The following RBM17 variants were observed in gnomAD, a reference collection of about 807,000 sequenced individuals.
RBM17 encodes the protein splicing factor 45.
A neutral mutation model predicts 53.2 loss-of-function variants in RBM17; 7 were observed. The ratio of observed to expected loss-of-function variants is 0.13; its 90% CI spans 0.07 to 0.25. The LOEUF is 0.25. RBM17 is among the 10% of genes least tolerant of loss of function. RBM17 has a pLI of 1.00. For missense variants in RBM17, 257 were observed against 496.7 expected, an observed-to-expected ratio of 0.52 and a Z score of 4.59; for synonymous variants, 167 against 178.1, an observed-to-expected ratio of 0.94 and a Z score of 0.50.
intron 1 of RBM17, among the ~76,000 whole-genome samples, chr10:6,093,419 A>G (rs543547558): frequency 9.9e-5 from 15 of 152,200 alleles, no homozygotes; most frequent in South Asian, 6.2e-4. Context: ...GGTTTTCACC[A>G]CGTAGGCCAG....
At chr10:6,102,374 G>A (rs1341851871) in intron 3 of RBM17, among the ~76,000 whole-genome samples, 1 of 152,188 alleles carries the variant, frequency 6.6e-6, no homozygotes, top group African/African-American at 2.4e-5. Context: ...TCCTGCTTAT[G>A]TTCTGGGCCA....
intron 1 of RBM17, among the ~76,000 whole-genome samples, chr10:6,094,268 G>A (rs1005293685): frequency 1.3e-5 from 2 of 152,178 alleles, no homozygotes; most frequent in Non-Finnish European, 1.5e-5. Flanking sequence ...GCGAGACACC[G>A]CACCCGGCCT....
At chr10:6,102,971 T>C (rs1437734431) in intron 3 of RBM17, among the ~76,000 whole-genome samples, 2 of 152,130 alleles carry the variant, frequency 1.3e-5, no homozygotes, top group Non-Finnish European at 2.9e-5. Flanking sequence ...GACTAATTTT[T>C]TGTAGAGATG....
chr10:6,114,708 G>T (rs1840890172), intron 10 of RBM17: 1 of 157,826 alleles, frequency 6.3e-6, no homozygotes, highest in African/African-American at 2.4e-5. Flanking sequence ...GGTGGGATTT[G>T]CAGGGAAGGG....
At chr10:6,111,908 G>A (rs903448942) in intron 7 of RBM17, among the ~76,000 whole-genome samples, 2 of 152,158 alleles carry the variant, frequency 1.3e-5, no homozygotes, top group Non-Finnish European at 2.9e-5. Context: ...CAGGTCCGGA[G>A]CACACAAAAG....
At chr10:6,104,787 A>ATTTGTT in intron 3 of RBM17, 144 bp from the exon 4 acceptor site, 1 of 641,090 alleles carries the variant, frequency 1.6e-6, no homozygotes, top group South Asian at 2.8e-5. Flanking sequence ...CTTGTCTGGT[A>ATTTGTT]TTTGTTTTCT....
intron 2 of RBM17, among the ~76,000 whole-genome samples, chr10:6,101,066 A>G (rs1840662880): frequency 2.0e-5 from 3 of 152,214 alleles, no homozygotes; most frequent in African/African-American, 7.2e-5. Flanking sequence ...TTTCACAGAA[A>G]TGGAGAAAAT....
In RBM17 at chr10:6,112,425, C is replaced by G. The variant is rs112499663; in HGVS notation, c.856+64C>G. 2.5e-6 allele frequency: 4 copies of G among 1,579,748 alleles called. No homozygotes were observed. The highest frequency in any genetic ancestry group is 1.3e-5 in the African/African-American group (1 of 74,192). ...CTGGCCCCATCCATATCAGACATGG[C>G]CAGTCTTGATCCTCATGTGTCAGCA... On this transcript the variant is annotated intron_variant, in intron 8 of 11. Transcript: ENST00000379888. This position sits in a 1 kb window ranked among gnomAD's most constrained non-coding sequence, Gnocchi z 4.4.
intron 2 of RBM17, among the ~76,000 whole-genome samples, chr10:6,099,907 T>C (rs1840646147): frequency 6.6e-6 from 1 of 151,918 alleles, no homozygotes. Flanking sequence ...AAAATACAAA[T>C]ATTAGCCCGG....
chr10:6,093,383 C>G (rs895950406), intron 1 of RBM17, among the ~76,000 whole-genome samples: 1 of 152,032 alleles, frequency 6.6e-6, no homozygotes, highest in African/African-American at 2.4e-5. Context: ...CCACACCTGG[C>G]TAGTTTTATA....
Position 6,116,035 on chromosome 10 carries a change from A to G in RBM17, c.*479A>G, listed in dbSNP as rs538427351. 3.3e-5 allele frequency: 5 copies of G among 152,626 alleles called. No homozygotes were observed. The highest frequency in any genetic ancestry group is 5.9e-5 in the Non-Finnish European group (4 of 68,162). The allele number at this position is 152,626 out of a possible 1,614,324, so 9.5% of individuals were successfully genotyped here. On this transcript the variant is annotated 3_prime_UTR_variant, in exon 12 of 12. Transcript: ENST00000379888. ...TCTTGGCAGTGTGCCAAAGGTGAAA[A>G]TGATGCTTTCTCTAACAGAGAAATT... is the stretch of plus-strand genomic sequence containing the variant.
At chr10:6,100,057 A>AG (rs1840648865) in intron 2 of RBM17, among the ~76,000 whole-genome samples, 1 of 152,190 alleles carries the variant, frequency 6.6e-6, no homozygotes, top group Non-Finnish European at 1.5e-5. Context: ...TCAAAAAAAA[A>AG]GAAAGAAAGA....
At chr10:6,114,458 A>C (rs1440609846) in intron 10 of RBM17, 2 of 303,504 alleles carry the variant, frequency 6.6e-6, no homozygotes, top group South Asian at 6.3e-5. Flanking sequence ...TCATTTGGTG[A>C]GTATTTAGTG....
At position 6,091,459 on chromosome 10, in the gene RBM17, T is replaced by C. The variant is rs574597423; in HGVS notation, c.-19+2266T>C. The stretch of plus-strand genomic sequence containing the variant: ...TTTCTTGCTAACAAGCCTGCCTCTT[T>C]AGGTGCTCAGAACTCAGACCTTGAC... On this transcript the variant is annotated intron_variant, in intron 1 of 11. Transcript: ENST00000379888. 2.6e-4 allele frequency among the ~76,000 whole-genome samples: 40 copies of C among 152,336 alleles called. 1 individual carries two copies. The highest frequency in any genetic ancestry group is 6.8e-3 in the Middle Eastern group (2 of 294).
chr10:6,091,985 A>G (rs1840492950), intron 1 of RBM17, among the ~76,000 whole-genome samples: 1 of 152,202 alleles, frequency 6.6e-6, no homozygotes. Flanking sequence ...TGTTTTAAAA[A>G]AATACTTTCC....
In RBM17 at chr10:6,101,300, C is replaced by T. The variant is rs1418823156; in HGVS notation, c.153C>T (p.Leu51=). The T allele has an allele frequency of 1.1e-5, 18 of 1,612,880 alleles. No homozygotes were observed. Among genetic ancestry groups the T allele is most frequent in the East Asian group, 4.5e-5 (2 of 44,778 alleles). ...AAAGGACGAAACAAAGTACAGTCCT[C>T]GCCCCAGTCATTGACCTGAAGCGAG... The part of the protein sequence containing the change: ...KSQRTKQSTV[L]APVIDLKRGG... The change falls in exon 3 of 12, where the codon CTC becomes CTT. Residue 51 remains leucine, a synonymous_variant. Transcript: ENST00000379888.
At chr10:6,107,374 C>T (rs1465644788) in intron 5 of RBM17, among the ~76,000 whole-genome samples, 2 of 150,956 alleles carry the variant, frequency 1.3e-5, no homozygotes, top group African/African-American at 2.4e-5. Flanking sequence ...GACAGGGTTT[C>T]ACCATGTTTG....
chr10:6,111,878 T>C (rs2132953768), intron 7 of RBM17, among the ~76,000 whole-genome samples: 1 of 152,320 alleles, frequency 6.6e-6, no homozygotes, highest in East Asian at 1.9e-4. Flanking sequence ...TAAACTGTGG[T>C]CATAAGCTAT....
intron 3 of RBM17, 48 bp from the exon 4 acceptor site, chr10:6,104,883 C>T (rs1373583665): frequency 1.3e-6 from 2 of 1,529,406 alleles, no homozygotes; most frequent in Non-Finnish European, 1.8e-6. Flanking sequence ...TGTGAGTAAA[C>T]TGGTAAGATA....
Sources: allele counts gnomAD v4.1 joint callset (sites outside exome capture counted in the v4.1 genomes callset), GRCh38; gene constraint gnomAD v4.1.1; non-coding constraint Gnocchi (gnomAD v3.1); transcripts MANE v1.5; gene names NCBI Gene and HGNC (gene_info 2026-07-23, HGNC 2026-07-21).